PRKG1: variants seen among roughly 807,000 people sequenced by gnomAD.
PRKG1 encodes cGMP-dependent protein kinase 1.
A neutral mutation model predicts 88.1 loss-of-function variants in PRKG1; 35 were observed. That is an observed-to-expected ratio of 0.40 (90% confidence interval 0.30 to 0.53). The LOEUF is 0.53. PRKG1 is among the 20% of genes least tolerant of loss of function. The probability of loss-of-function intolerance (pLI) is 0.59; values close to 1 mark genes in which losing one functional copy is unlikely to be tolerated. For synonymous variants in PRKG1, 303 were observed against 292.5 expected (o/e 1.04, Z -0.37); for missense variants, 540 against 839.8 (o/e 0.64, Z 4.41).
At position 52,297,823 on chromosome 10, in the gene PRKG1, A is replaced by G. The variant is rs1312057292; in HGVS notation, c.*3923A>G. ...ACCTCGTTATGAAACCAATGATGAA[A>G]AAGTCACTTGGTGCACCTCTCAACA... On this transcript the variant is annotated 3_prime_UTR_variant, in exon 18 of 18. Coordinates refer to ENST00000373980, the MANE Select transcript of PRKG1 (RefSeq NM_006258.4). 1 of 152,182 alleles carries G rather than the reference A, an allele frequency of 6.6e-6. No homozygotes were observed. The highest frequency in any genetic ancestry group is 2.4e-5 in the African/African-American group (1 of 41,440). The allele number at this position is 152,182 out of a possible 1,614,324, so 9.4% of individuals were successfully genotyped here.
chr10:52,069,791 T>A (rs1028025151), intron 7 of PRKG1, among the ~76,000 whole-genome samples: 22 of 152,144 alleles, frequency 1.4e-4, no homozygotes, highest in African/African-American at 5.1e-4. Flanking sequence ...TGTGTATATA[T>A]GTATTCATAT....
chr10:51,682,609 G>T (rs556598248), intron 3 of PRKG1, among the ~76,000 whole-genome samples: 26 of 152,062 alleles, frequency 1.7e-4, no homozygotes, highest in Non-Finnish European at 2.4e-4. Flanking sequence ...AATAATAACT[G>T]GCACATATCA....
intron 2 of PRKG1, among the ~76,000 whole-genome samples, chr10:51,155,855 TG>T (rs1483166806): frequency 8.6e-5 from 13 of 151,974 alleles, no homozygotes; most frequent in Non-Finnish European, 1.8e-4. Flanking sequence ...CTTTACTCAA[TG>T]TCTATTCGTT....
intron 3 of PRKG1, among the ~76,000 whole-genome samples, chr10:51,566,806 GATCACTGATTGTTCTTTTAAT>G (rs1837617184): frequency 6.6e-6 from 1 of 151,834 alleles, no homozygotes; most frequent in South Asian, 2.1e-4. Flanking sequence ...ATTGTCCTGT[GATCACTGATTGTTCTTTTAAT>G]ATAAGTTCCC....
chr10:52,280,256 A>G (rs971070758), intron 12 of PRKG1, among the ~76,000 whole-genome samples: 1 of 152,186 alleles, frequency 6.6e-6, no homozygotes, highest in African/African-American at 2.4e-5. Flanking sequence ...TTGCATCAGT[A>G]GCATTATAAC....
intron 2 of PRKG1, among the ~76,000 whole-genome samples, chr10:51,198,420 A>C (rs1837827794): frequency 6.6e-6 from 1 of 152,218 alleles, no homozygotes; most frequent in South Asian, 2.1e-4. Flanking sequence ...CATTCGAATA[A>C]ATATCCAATG....
chr10:51,700,074 A>C (rs1841426626), intron 3 of PRKG1, among the ~76,000 whole-genome samples: 1 of 152,264 alleles, frequency 6.6e-6, no homozygotes, highest in African/African-American at 2.4e-5. Flanking sequence ...TTCCAGACTG[A>C]GGGAAAAGCG....
chr10:51,491,117 G>A (rs916404800), intron 3 of PRKG1, among the ~76,000 whole-genome samples: 3 of 151,964 alleles, frequency 2.0e-5, no homozygotes, highest in African/African-American at 7.2e-5. Flanking sequence ...ACTTTGATAT[G>A]TATAATAGGG....
intron 8 of PRKG1, among the ~76,000 whole-genome samples, chr10:52,136,389 C>T (rs1011787059): frequency 6.6e-6 from 1 of 151,966 alleles, no homozygotes; most frequent in African/African-American, 2.4e-5. Context: ...AGATAAGGAT[C>T]GTTGTGGGAA....
intron 3 of PRKG1, among the ~76,000 whole-genome samples, chr10:51,484,139 A>G (rs1050567814): frequency 5.3e-5 from 8 of 152,212 alleles, no homozygotes; most frequent in Non-Finnish European, 8.8e-5. Context: ...TAAAACCTTT[A>G]CTTGGAGTAG....
At chr10:51,599,543 A>G (rs187196419) in intron 3 of PRKG1, among the ~76,000 whole-genome samples, 9 of 152,322 alleles carry the variant, frequency 5.9e-5, no homozygotes, top group African/African-American at 1.9e-4. Flanking sequence ...AATAATTATT[A>G]TCAGATATTA....
chr10:51,571,913 T>A (rs1450845623), intron 3 of PRKG1, among the ~76,000 whole-genome samples: 1 of 151,658 alleles, frequency 6.6e-6, no homozygotes, highest in African/African-American at 2.4e-5. Flanking sequence ...AGTACTGGCT[T>A]AAAATTTCTT....
intron 3 of PRKG1, among the ~76,000 whole-genome samples, chr10:51,469,045 T>C (rs936798916): frequency 3.3e-5 from 5 of 151,798 alleles, no homozygotes; most frequent in Admixed American, 1.3e-4. Context: ...GATTGATAGA[T>C]GCTGCCATGT....
At chr10:51,010,208 TCTA>T (rs1001527158) in intron 1 of PRKG1, among the ~76,000 whole-genome samples, 233 of 152,326 alleles carry the variant, frequency 1.5e-3, no homozygotes, top group African/African-American at 5.5e-3. Flanking sequence ...AAAAGCGAAT[TCTA>T]CTACCCAGCG....
rs191464235 is a variant in PRKG1 at position 51,197,896 on chromosome 10, C to T, written c.478+44566C>T. Among the ~76,000 whole-genome samples the T allele has an allele frequency of 2.4e-3, 363 of 151,410 alleles. 2 individuals carry two copies. Among genetic ancestry groups the T allele is most frequent in the African/African-American group, 8.5e-3 (352 of 41,298 alleles). ...ACTTTTGCACCACCCTAATATATCA[C>T]CAAACTTGCCATATTATCCTTTAGA... On this transcript the variant is annotated intron_variant, in intron 2 of 17. Coordinates refer to ENST00000373980, the MANE Select transcript of PRKG1 (RefSeq NM_006258.4).
At chr10:52,029,870 G>A (rs1845435595) in intron 5 of PRKG1, among the ~76,000 whole-genome samples, 1 of 152,034 alleles carries the variant, frequency 6.6e-6, no homozygotes, top group Non-Finnish European at 1.5e-5. Flanking sequence ...ATCCTCAGGT[G>A]TCTCTCCTGC....
intron 5 of PRKG1, among the ~76,000 whole-genome samples, chr10:51,957,124 GCTTT>G (rs146554859): frequency 0.087 from 9,472 of 108,550 alleles, 1,062 homozygotes; most frequent in African/African-American, 0.28. Flanking sequence ...TTTCTTTCCT[GCTTT>G]CTTTCTTTCT....
intron 5 of PRKG1, among the ~76,000 whole-genome samples, chr10:52,047,848 T>C (rs1038356419): frequency 2.0e-5 from 3 of 152,124 alleles, no homozygotes; most frequent in Non-Finnish European, 4.4e-5. Flanking sequence ...CATCTTAATA[T>C]AGGACTCTTC....
chr10:51,586,518 A>C (rs765030799), intron 3 of PRKG1, among the ~76,000 whole-genome samples: 5 of 152,182 alleles, frequency 3.3e-5, no homozygotes, highest in Non-Finnish European at 7.4e-5. Flanking sequence ...CTGCAATGAT[A>C]GAATTTCCTT....
Sources: allele counts gnomAD v4.1 joint callset (sites outside exome capture counted in the v4.1 genomes callset), GRCh38; gene constraint gnomAD v4.1.1; transcripts MANE v1.5; gene names NCBI Gene and HGNC (gene_info 2026-07-23, HGNC 2026-07-21).